EXD2: variants seen among roughly 807,000 people sequenced by gnomAD.
The protein encoded by EXD2 is exonuclease 3'-5' domain containing 2, also known as exonuclease 3'-5' domain-containing protein 2.
Under a neutral mutation model 62.5 loss-of-function variants are expected in EXD2, and 40 were observed. The observed-to-expected ratio is 0.64, with a 90% confidence interval of 0.50 to 0.83. The LOEUF is 0.83. Among genes scored for constraint, EXD2 ranks in the 40% least tolerant of loss-of-function variants. The pLI, the probability that EXD2 is intolerant of heterozygous loss-of-function variation, is 0.00. For missense variants in EXD2, 671 were observed against 761.8 expected (o/e 0.88, Z 1.40); for synonymous variants, 239 against 291.9 (o/e 0.82, Z 1.85).
intron 3 of EXD2, chr14:69,228,017 C>T (rs934781826): frequency 6.6e-6 from 1 of 151,842 alleles, no homozygotes; most frequent in Admixed American, 6.6e-5. Context: ...TATCAGGTAC[C>T]ACTTATTTAC....
chr14:69,197,739 TTGC>T (rs1308788301), intron 1 of EXD2, among the ~76,000 whole-genome samples: 2 of 152,108 alleles, frequency 1.3e-5, no homozygotes, highest in African/African-American at 4.8e-5. Flanking sequence ...CTGATCCATG[TTGC>T]TGCATCCATT....
At chr14:69,230,344 A>C (rs1566836827) in intron 4 of EXD2, 128 bp from the exon 5 acceptor site, 1 of 582,300 alleles carries the variant, frequency 1.7e-6, no homozygotes, top group East Asian at 2.9e-5. Flanking sequence ...ACAAATTATC[A>C]TTTTCTTCGA....
At chr14:69,201,815 T>A (rs960174419) in intron 1 of EXD2, among the ~76,000 whole-genome samples, 1 of 151,310 alleles carries the variant, frequency 6.6e-6, no homozygotes, top group Non-Finnish European at 1.5e-5. Context: ...CCTGAGTAGC[T>A]GGGAGTGCAG....
chr14:69,236,567 G>A, intron 8 of EXD2, 25 bp downstream of exon 8: 1 of 1,613,808 alleles, frequency 6.2e-7, no homozygotes, highest in Non-Finnish European at 8.5e-7. Context: ...GGGCCACCCT[G>A]GTTGTCTGTG....
In EXD2 at chr14:69,228,981, G is replaced by C; in HGVS notation, c.499G>C (p.Gly167Arg). 1 of 1,614,138 alleles carries C rather than the reference G, an allele frequency of 6.2e-7. No homozygotes were observed. Among genetic ancestry groups the C allele is most frequent in the Non-Finnish European group, 8.5e-7 (1 of 1,180,034 alleles). The change falls in exon 4 of 10, where the codon GGA becomes CGA. Residue 167 changes from glycine (G) to arginine (R), a missense_variant. Coordinates refer to ENST00000685843, the MANE Select transcript of EXD2 (RefSeq NM_001193360.2). ...ADGTILKVGVGCSEDASKLLQ... is the reference protein window; with the variant it reads ...ADGTILKVGVRCSEDASKLLQ... Reference sequence around the variant, plus strand: ...TGGCACCATTTTGAAAGTTGGAGTGGGATGCTCAGAAGATGCCAGCAAGCT... The same window carrying C: ...TGGCACCATTTTGAAAGTTGGAGTGCGATGCTCAGAAGATGCCAGCAAGCT...
chr14:69,227,923 A>G (rs2043418789), intron 3 of EXD2: 1 of 130,538 alleles, frequency 7.7e-6, no homozygotes, highest in Admixed American at 7.1e-5. Context: ...TATGCTCAAT[A>G]TACATTTTTT....
chr14:69,218,475 G>A (rs1045687394), intron 3 of EXD2, among the ~76,000 whole-genome samples: 11 of 152,066 alleles, frequency 7.2e-5, no homozygotes, highest in African/African-American at 2.7e-4. Context: ...CCATTCTGTA[G>A]GTTGCCTGTT....
intron 3 of EXD2, among the ~76,000 whole-genome samples, chr14:69,214,786 T>G (rs1461790915): frequency 6.6e-6 from 1 of 152,208 alleles, no homozygotes; most frequent in Non-Finnish European, 1.5e-5. Context: ...CACTATAGTT[T>G]AATTTTACCT....
chr14:69,225,097 C>T (rs952799044), intron 3 of EXD2, among the ~76,000 whole-genome samples: 10 of 152,208 alleles, frequency 6.6e-5, no homozygotes, highest in African/African-American at 1.7e-4. Flanking sequence ...CTACTCTTAT[C>T]GGCGTCTAGC....
intron 2 of EXD2, among the ~76,000 whole-genome samples, chr14:69,204,391 G>A (rs894689201): frequency 6.6e-6 from 1 of 152,026 alleles, no homozygotes; most frequent in Admixed American, 6.6e-5. Flanking sequence ...GCAATATAGT[G>A]TGACCCGCAT....
chr14:69,223,139 C>T (rs536760224), intron 3 of EXD2, among the ~76,000 whole-genome samples: 6 of 152,240 alleles, frequency 3.9e-5, no homozygotes, highest in Admixed American at 6.5e-5. Context: ...CAGATGGATC[C>T]GTGGGCCACT....
chr14:69,240,695 C>T (rs2043951776), intron 9 of EXD2, among the ~76,000 whole-genome samples, 189 bp from the exon 10 acceptor site: 1 of 152,016 alleles, frequency 6.6e-6, no homozygotes, highest in Admixed American at 6.6e-5. Context: ...GTTGGGATTG[C>T]GAGTCGTATG....
At chr14:69,225,965 ATCTG>A (rs767618287) in intron 3 of EXD2, among the ~76,000 whole-genome samples, 24 of 152,172 alleles carry the variant, frequency 1.6e-4, no homozygotes, top group African/African-American at 1.7e-4. Context: ...CAATTTACCT[ATCTG>A]TCTATTTATC....
rs1052105087 is a variant in EXD2 at position 69,242,270 on chromosome 14, C to A, written c.*1170C>A. On this transcript the variant is annotated 3_prime_UTR_variant, in exon 10 of 10. Coordinates refer to ENST00000685843, the MANE Select transcript of EXD2 (RefSeq NM_001193360.2). ...CAAGCTTAAAAAAGAATTTTATGAC[C>A]AGAATCCAACAAGAGCTCTATTTTG... is the stretch of plus-strand genomic sequence containing the variant. 2 of 371,362 alleles carry A rather than the reference C, an allele frequency of 5.4e-6. No homozygotes were observed. Among genetic ancestry groups the A allele is most frequent in the African/African-American group, 4.2e-5 (2 of 47,984 alleles). The allele number at this position is 371,362 out of a possible 1,614,324, so 23.0% of individuals were successfully genotyped here.
At chr14:69,192,808 A>G (rs2042077349) in intron 1 of EXD2, among the ~76,000 whole-genome samples, 1 of 152,144 alleles carries the variant, frequency 6.6e-6, no homozygotes, top group Non-Finnish European at 1.5e-5. Context: ...GTACCTAGAG[A>G]TCTACCTATT....
intron 3 of EXD2, among the ~76,000 whole-genome samples, chr14:69,219,126 C>A (rs1261368092): frequency 2.6e-5 from 4 of 152,254 alleles, no homozygotes; most frequent in African/African-American, 9.6e-5. Flanking sequence ...GATATTGATT[C>A]TTCCTATCCA....
Position 69,230,668 on chromosome 14 carries a change from G to A in EXD2, c.717+70G>A, listed in dbSNP as rs954051097. Reference sequence around the variant, plus strand: ...TGAAGTATAACTGTTTATAAAATTCGAATTCTCAAATATAGTATAAGTATT... The same window carrying A: ...TGAAGTATAACTGTTTATAAAATTCAAATTCTCAAATATAGTATAAGTATT... On this transcript the variant is annotated intron_variant, in intron 5 of 9. Transcript: ENST00000685843. The A allele has an allele frequency of 1.4e-5, 21 of 1,514,408 alleles. No individual in the cohort carries two copies. In the Admixed American group the frequency reaches 1.7e-4, roughly 13 times the overall value. 93.8% of individuals were successfully genotyped at this position (1,514,408 alleles called of 1,614,324 possible). A position where few individuals can be genotyped will look rare whatever the true frequency, so the allele number is the denominator to read the frequency against.
At chr14:69,240,441 G>A (rs544491971) in intron 9 of EXD2, among the ~76,000 whole-genome samples, 2 of 152,316 alleles carry the variant, frequency 1.3e-5, no homozygotes, top group East Asian at 3.9e-4. Flanking sequence ...TTGACATTCA[G>A]TTATTAAATT....
intron 3 of EXD2, among the ~76,000 whole-genome samples, chr14:69,215,341 A>G (rs904385756): frequency 7.2e-6 from 1 of 139,208 alleles, no homozygotes; most frequent in African/African-American, 3.3e-5. Context: ...TGTATAATAC[A>G]ATATATCATT....
Sources: gnomAD v4.1 joint callset for allele counts (sites outside exome capture counted in the v4.1 genomes callset) on GRCh38, gnomAD v4.1.1 for gene constraint, MANE v1.5 for transcripts, NCBI Gene and HGNC (gene_info 2026-07-23, HGNC 2026-07-21) for gene names.